SH3KBP1: variants seen among roughly 807,000 people sequenced by gnomAD.
The protein encoded by SH3KBP1 is SH3 domain containing kinase binding protein 1, also known as SH3 domain-containing kinase-binding protein 1.
SH3KBP1 carries 8 observed loss-of-function variants against 50.1 expected under a neutral mutation model. The observed-to-expected ratio is 0.16, with a 90% CI of 0.09 to 0.29. The LOEUF (loss-of-function observed/expected upper bound fraction) is 0.29. SH3KBP1 is among the 10% of genes least tolerant of loss of function. The pLI, the probability that SH3KBP1 is intolerant of heterozygous loss-of-function variation, is 1.00. For synonymous variants in SH3KBP1, 227 were observed against 218.6 expected, an observed-to-expected ratio of 1.04 and a Z score of -0.34; for missense variants, 377 against 535.2, an observed-to-expected ratio of 0.70 and a Z score of 2.92.
At chrX:19,552,060 T>C (rs2065258387) in intron 13 of SH3KBP1, among the ~76,000 whole-genome samples, 1 of 112,489 alleles carries the variant, frequency 8.9e-6, no homozygotes, top group Non-Finnish European at 1.9e-5. Flanking sequence ...TCTTTTCCTG[T>C]AGATAGTATA....
intron 3 of SH3KBP1, among the ~76,000 whole-genome samples, chrX:19,723,142 C>CA (rs61434855): frequency 0.018 from 541 of 30,466 alleles, 9 homozygotes; most frequent in Non-Finnish European, 0.031. Flanking sequence ...GACTCCGTCT[C>CA]AAAAAAAAAA....
At chrX:19,713,969 A>G (rs768583242) in intron 3 of SH3KBP1, among the ~76,000 whole-genome samples, 111 of 112,332 alleles carry the variant, frequency 9.9e-4, no homozygotes, top group African/African-American at 3.4e-3. Context: ...TGGATAAGGA[A>G]ACTGTGGTAC....
intron 2 of SH3KBP1, among the ~76,000 whole-genome samples, chrX:19,818,065 T>A (rs756217491): frequency 3.6e-4 from 40 of 112,428 alleles, no homozygotes; most frequent in Non-Finnish European, 7.5e-4. Context: ...GTAGGCTATA[T>A]CACCTACGTT....
chrX:19,876,408 C>A (rs757994320), intron 1 of SH3KBP1, among the ~76,000 whole-genome samples: 2 of 111,331 alleles, frequency 1.8e-5, no homozygotes, highest in Non-Finnish European at 3.8e-5. Flanking sequence ...GGGTTAAGAT[C>A]CAGGACAAAG....
chrX:19,594,221 G>A (rs1262411000), intron 10 of SH3KBP1, among the ~76,000 whole-genome samples: 1 of 111,674 alleles, frequency 9.0e-6, no homozygotes, highest in Non-Finnish European at 1.9e-5. Flanking sequence ...AACTCATGGA[G>A]GAATTTTTCC....
intron 2 of SH3KBP1, among the ~76,000 whole-genome samples, chrX:19,829,369 C>A (rs777213685): frequency 1.8e-5 from 2 of 110,271 alleles, no homozygotes; most frequent in African/African-American, 6.6e-5. Flanking sequence ...TGATCAATTT[C>A]CTAGGGGGAG....
chrX:19,780,574 A>C (rs2066146137), intron 2 of SH3KBP1, among the ~76,000 whole-genome samples: 1 of 109,313 alleles, frequency 9.1e-6, no homozygotes, highest in South Asian at 4.0e-4. Context: ...TTATGGTTTT[A>C]GGTCTAACGT....
intron 3 of SH3KBP1, among the ~76,000 whole-genome samples, chrX:19,717,228 T>C (rs939261904): frequency 1.8e-5 from 2 of 111,861 alleles, no homozygotes; most frequent in African/African-American, 6.5e-5. Context: ...TGGGGGCCAA[T>C]GACCTTCTCT....
In SH3KBP1 at chrX:19,546,931, C is replaced by A. The variant is rs1003481148; in HGVS notation, c.1495-881G>T. Among the ~76,000 whole-genome samples, 4 of 111,130 alleles carry A rather than the reference C, an allele frequency of 3.6e-5. No individual in the cohort carries two copies. In the Admixed American group the frequency reaches 3.8e-4, roughly 11 times the overall value. Reference sequence around the variant, plus strand: ...CACGGGGATTATGAGGCGGGAGGATCTCTTGAGCCCAGGAATTTGGGACCA... The same window carrying A: ...CACGGGGATTATGAGGCGGGAGGATATCTTGAGCCCAGGAATTTGGGACCA... On this transcript the variant is annotated intron_variant, in intron 14 of 17. Transcript: ENST00000397821.
chrX:19,822,399 T>A (rs1332074136), intron 2 of SH3KBP1, among the ~76,000 whole-genome samples: 1 of 112,309 alleles, frequency 8.9e-6, no homozygotes, highest in Non-Finnish European at 1.9e-5. Context: ...GTAAGTTTCA[T>A]TGATCTATTT....
intron 6 of SH3KBP1, among the ~76,000 whole-genome samples, chrX:19,656,376 C>A (rs1295508057): frequency 9.0e-6 from 1 of 111,479 alleles, no homozygotes; most frequent in Non-Finnish European, 1.9e-5. Flanking sequence ...ACACAATAAT[C>A]CACCTAAGGC....
chrX:19,878,505 T>TGTGTGTGAGAGA (rs1491094714), intron 1 of SH3KBP1, among the ~76,000 whole-genome samples: 2 of 48,214 alleles, frequency 4.1e-5, no homozygotes, highest in African/African-American at 6.0e-5. Context: ...TGTGTGTGTG[T>TGTGTGTGAGAGA]GAGAGAGAGA....
chrX:19,685,012 C>T (rs1020738237), intron 5 of SH3KBP1, among the ~76,000 whole-genome samples: 1 of 112,157 alleles, frequency 8.9e-6, no homozygotes, highest in Non-Finnish European at 1.9e-5. Flanking sequence ...CATCAAAGGG[C>T]AGGATTCAAA....
At position 19,608,047 on chromosome X, in the gene SH3KBP1, TA is replaced by T; in HGVS notation, c.898-3del. 8.3e-7 allele frequency: 1 copy of T among 1,203,517 alleles called. No individual in the cohort carries two copies. Among genetic ancestry groups the T allele is most frequent in the Non-Finnish European group, 1.1e-6 (1 of 888,758 alleles). The stretch of plus-strand genomic sequence containing the variant: ...CCACCAGCCTACGTCGATGCAGTCC[TA>T]GAAAACAGGAGAACAGAGAGTGAGA... On this transcript the variant is annotated splice_polypyrimidine_tract_variant and splice_region_variant and intron_variant, in intron 8 of 17. Transcript: ENST00000397821.
In SH3KBP1 at chrX:19,618,213, G is replaced by A. The variant is rs138411407; in HGVS notation, c.898-10168C>T. Among the ~76,000 whole-genome samples, 811 of 109,455 alleles carry A rather than the reference G, an allele frequency of 7.4e-3. 12 individuals are homozygous for A. The highest frequency in any genetic ancestry group is 0.026 in the African/African-American group (777 of 29,965). On this transcript the variant is annotated intron_variant, in intron 8 of 17. Coordinates refer to ENST00000397821, the MANE Select transcript of SH3KBP1 (RefSeq NM_031892.3). The stretch of plus-strand genomic sequence containing the variant: ...AGCCTGACCAACATGGTGAATCCCC[G>A]TCTCTACTAAAAATACAAAAATTAG...
chrX:19,684,123 T>C, intron 5 of SH3KBP1, 95 bp from the exon 6 acceptor site: 1 of 657,481 alleles, frequency 1.5e-6, no homozygotes, highest in Non-Finnish European at 2.4e-6. Flanking sequence ...CCTCTAAAAG[T>C]GTGACTGGGC....
At chrX:19,850,436 G>A (rs1451120939) in intron 1 of SH3KBP1, among the ~76,000 whole-genome samples, 4 of 110,944 alleles carry the variant, frequency 3.6e-5, no homozygotes, top group Admixed American at 9.6e-5. Flanking sequence ...TGCCCGCCTC[G>A]ACCTCCCAAA....
intron 2 of SH3KBP1, among the ~76,000 whole-genome samples, chrX:19,825,512 T>A (rs896955909): frequency 9.0e-6 from 1 of 111,563 alleles, no homozygotes; most frequent in African/African-American, 3.3e-5. Flanking sequence ...ACTGTGAGTA[T>A]GGCTTTTAAC....
At chrX:19,554,104 TC>T (rs2065370507) in intron 13 of SH3KBP1, among the ~76,000 whole-genome samples, 1 of 74,840 alleles carries the variant, frequency 1.3e-5, no homozygotes, top group South Asian at 6.1e-4. Context: ...ATATTATATA[TC>T]ATATTAAAAT....
Sources: allele counts gnomAD v4.1 joint callset (sites outside exome capture counted in the v4.1 genomes callset), GRCh38; gene constraint gnomAD v4.1.1; transcripts MANE v1.5; gene names NCBI Gene and HGNC (gene_info 2026-07-23, HGNC 2026-07-21).